KIF5C: variants seen among roughly 807,000 people sequenced by gnomAD.
KIF5C encodes the protein kinesin family member 5C.
A neutral mutation model predicts 125.2 loss-of-function variants in KIF5C; 18 were observed. That is an observed-to-expected ratio of 0.14 (90% CI 0.10 to 0.21). The LOEUF is 0.21. KIF5C is among the 10% of genes least tolerant of loss of function. The pLI, the probability that KIF5C is intolerant of heterozygous loss-of-function variation, is 1.00. For synonymous variants in KIF5C, 405 were observed against 434.0 expected, an observed-to-expected ratio of 0.93 and a Z score of 0.83; for missense variants, 780 against 1,183.8, an observed-to-expected ratio of 0.66 and a Z score of 5.01.
At chr2:148,894,703 A>ATATATAT (rs1558875720) in intron 1 of KIF5C, among the ~76,000 whole-genome samples, 2 of 147,436 alleles carry the variant, frequency 1.4e-5, no homozygotes, top group African/African-American at 5.0e-5. Context: ...AGTTTAGTAC[A>ATATATAT]ATATATATAT....
At chr2:148,978,344 T>TG (rs1043676528) in intron 12 of KIF5C, among the ~76,000 whole-genome samples, 3 of 145,042 alleles carry the variant, frequency 2.1e-5, no homozygotes, top group Non-Finnish European at 3.0e-5. Context: ...GTTTTTTTTT[T>TG]TTTTTTTTTT....
At chr2:148,961,673 A>G (rs1682931751) in intron 10 of KIF5C, among the ~76,000 whole-genome samples, 1 of 152,204 alleles carries the variant, frequency 6.6e-6, no homozygotes, top group Non-Finnish European at 1.5e-5. Flanking sequence ...GGCTGAGAAC[A>G]CAGACTAAGA....
chr2:148,997,604 G>A, intron 18 of KIF5C: 1 of 510,498 alleles, frequency 2.0e-6, no homozygotes, highest in East Asian at 3.2e-5. Flanking sequence ...GAGGGAAAGG[G>A]TAGCACCCCC....
At chr2:148,967,725 T>A (rs1449558330) in intron 11 of KIF5C, among the ~76,000 whole-genome samples, 3 of 152,204 alleles carry the variant, frequency 2.0e-5, no homozygotes, top group African/African-American at 7.2e-5. Flanking sequence ...CTCTTTAGCC[T>A]CACGGAGATT....
rs1682117139 is a variant in KIF5C, at chr2:148,929,351, G to A, written c.288G>A (p.Met96Ile). 3 of 1,530,236 alleles carry A rather than the reference G, an allele frequency of 2.0e-6. No homozygotes were observed. Among genetic ancestry groups the A allele is most frequent in the Non-Finnish European group, 2.6e-6 (3 of 1,140,698 alleles). 94.8% of individuals were successfully genotyped at this position (1,530,236 alleles called of 1,614,324 possible). ...GQTSSGKTHT[M>I]EGKLHDPQLM... ...CTTCATCAGGAAAAACCCACACCATGGAGGTAAGATTACAATGTGCTCTAA... is the reference window on the plus strand; with the variant it reads ...CTTCATCAGGAAAAACCCACACCATAGAGGTAAGATTACAATGTGCTCTAA... Residue 96 changes from methionine to isoleucine, a missense_variant, in exon 3 of 26, where the codon ATG becomes ATA. Met to Ile is a conservative substitution (Grantham distance 10). Around this residue, in one of 2 missense-constraint regions of KIF5C, gnomAD observed 207 missense variants for 441.2 expected, o/e 0.47. Transcript: ENST00000435030.
chr2:148,945,700 C>A (rs1035886061), intron 7 of KIF5C, among the ~76,000 whole-genome samples: 1 of 152,180 alleles, frequency 6.6e-6, no homozygotes, highest in South Asian at 2.1e-4. Context: ...TTATCCCTCA[C>A]CCTACTCCCA....
At chr2:148,948,360 A>G (rs1682575005) in intron 8 of KIF5C, among the ~76,000 whole-genome samples, 1 of 151,750 alleles carries the variant, frequency 6.6e-6, no homozygotes, top group Non-Finnish European at 1.5e-5. Context: ...CTGTCTCAAA[A>G]AAAAAAAAAA....
At chr2:148,919,604 A>T (rs923671302) in intron 1 of KIF5C, among the ~76,000 whole-genome samples, 5 of 152,228 alleles carry the variant, frequency 3.3e-5, no homozygotes, top group African/African-American at 7.2e-5. Flanking sequence ...TGAGATTTTC[A>T]TACCATTACT....
At chr2:148,980,621 T>G (rs1681204797) in intron 13 of KIF5C, among the ~76,000 whole-genome samples, 1 of 152,108 alleles carries the variant, frequency 6.6e-6, no homozygotes. Context: ...CACTTAAAAA[T>G]TATGTAAGTG....
intron 10 of KIF5C, among the ~76,000 whole-genome samples, chr2:148,951,997 T>A (rs1027712497): frequency 6.6e-6 from 1 of 152,190 alleles, no homozygotes; most frequent in Non-Finnish European, 1.5e-5. Flanking sequence ...ATTGAAATGT[T>A]GTAGACCTAA....
At chr2:148,936,291 AAAAC>A (rs1459703947) in intron 3 of KIF5C, among the ~76,000 whole-genome samples, 2 of 152,230 alleles carry the variant, frequency 1.3e-5, no homozygotes, top group African/African-American at 4.8e-5. Context: ...TCAAAAAACA[AAAAC>A]AAACAAACAA....
chr2:148,926,275 G>A (rs923103562), intron 2 of KIF5C, among the ~76,000 whole-genome samples: 4 of 152,228 alleles, frequency 2.6e-5, no homozygotes, highest in Non-Finnish European at 5.9e-5. Flanking sequence ...GGCACCTGCA[G>A]TGGAAGCTCC....
At chr2:148,956,196 G>A (rs111626492) in intron 10 of KIF5C, among the ~76,000 whole-genome samples, 5 of 152,188 alleles carry the variant, frequency 3.3e-5, no homozygotes, top group South Asian at 2.1e-4. Flanking sequence ...GCTTAACCTC[G>A]GTGGTGGAGA....
chr2:149,000,335 T>A (rs1558941385), intron 19 of KIF5C, 88 bp from the exon 20 acceptor site: 2 of 1,476,136 alleles, frequency 1.4e-6, no homozygotes, highest in Non-Finnish European at 1.8e-6. Context: ...ACAGAGCTAA[T>A]AGGGTTGGAA....
intron 25 of KIF5C, 24 bp from the exon 26 acceptor site, chr2:149,023,054 C>G (rs1159113375): frequency 6.6e-6 from 1 of 152,142 alleles, no homozygotes; most frequent in Admixed American, 6.5e-5. Flanking sequence ...TTCCTATGTT[C>G]TCTCTTTGGT....
chr2:149,000,207 C>A, intron 19 of KIF5C: 4 of 470,308 alleles, frequency 8.5e-6, no homozygotes, highest in Admixed American at 7.3e-5. Flanking sequence ...ATCCTCAAAG[C>A]CTTATGTTTC....
At chr2:148,916,170 G>T (rs912865447) in intron 1 of KIF5C, among the ~76,000 whole-genome samples, 2 of 152,200 alleles carry the variant, frequency 1.3e-5, no homozygotes, top group Non-Finnish European at 2.9e-5. Context: ...GAGAGTGAGA[G>T]GATAGTCAGG....
chr2:148,908,815 T>C (rs1005209008), intron 1 of KIF5C, among the ~76,000 whole-genome samples: 12 of 152,236 alleles, frequency 7.9e-5, no homozygotes, highest in African/African-American at 2.9e-4. Flanking sequence ...AGAGTTACTT[T>C]CTATGAGACT....
intron 19 of KIF5C, among the ~76,000 whole-genome samples, chr2:148,999,730 G>C (rs1238461874): frequency 6.6e-6 from 1 of 152,260 alleles, no homozygotes; most frequent in African/African-American, 2.4e-5. Flanking sequence ...GTTAGGTGGA[G>C]GGGGAAGCTT....
Sources: allele counts gnomAD v4.1 joint callset (sites outside exome capture counted in the v4.1 genomes callset), GRCh38; gene constraint gnomAD v4.1.1; regional missense constraint gnomAD v4.1.1; transcripts MANE v1.5; gene names NCBI Gene and HGNC (gene_info 2026-07-23, HGNC 2026-07-21).